The following FGFR4 variants were observed in gnomAD, a reference collection of about 807,000 sequenced individuals.
FGFR4 encodes hydroxyaryl-protein kinase.
FGFR4 carries 63 observed loss-of-function variants against 89.9 expected under a neutral mutation model. That is an observed-to-expected ratio of 0.70 (90% CI 0.57 to 0.86). The LOEUF (loss-of-function observed/expected upper bound fraction) is 0.86, where lower values mean the gene tolerates loss of function less well. Ranked by LOEUF, FGFR4 falls within the 40% of genes least tolerant of loss-of-function variation. FGFR4 has a pLI of 0.00. For missense variants in FGFR4, 928 were observed against 1,106.7 expected, an observed-to-expected ratio of 0.84 and a Z score of 2.29; for synonymous variants, 486 against 479.4, an observed-to-expected ratio of 1.01 and a Z score of -0.18.
intron 5 of FGFR4, among the ~76,000 whole-genome samples, chr5:177,091,400 T>C (rs1251601941): frequency 1.3e-5 from 2 of 152,188 alleles, no homozygotes; most frequent in African/African-American, 4.8e-5. Flanking sequence ...CAGGGTCGGC[T>C]CCATGCTGTC....
intron 6 of FGFR4, among the ~76,000 whole-genome samples, chr5:177,092,028 C>G (rs1208568419): frequency 6.6e-6 from 1 of 152,162 alleles, no homozygotes; most frequent in Non-Finnish European, 1.5e-5. Flanking sequence ...GGGCGCAGCC[C>G]GAGCGGAGGG....
rs758509416 is a variant in FGFR4 at position 177,093,157 on chromosome 5, C to T, written c.1077C>T (p.Thr359=). ...TVLPEEDPTW[T]AAAPEARYTD... is the part of the protein sequence containing the mutation. ...GGGCAGAGGAGGACCCCACATGGACCGCAGCAGCGCCCGAGGCCAGGTATA... is the reference window on the plus strand; with the variant it reads ...GGGCAGAGGAGGACCCCACATGGACTGCAGCAGCGCCCGAGGCCAGGTATA... Residue 359 remains threonine (T), a synonymous_variant, in exon 9 of 18, where the codon ACC becomes ACT. Transcript: ENST00000292408. The surrounding 1 kb of genome is among the most constrained non-coding windows in gnomAD (Gnocchi z 5.8). The T allele has an allele frequency of 6.8e-6, 11 of 1,613,916 alleles. No homozygotes were observed. The highest frequency in any genetic ancestry group is 1.6e-4 in the Middle Eastern group (1 of 6,082).
intron 2 of FGFR4, 47 bp downstream of exon 2, chr5:177,089,740 G>T: frequency 6.3e-7 from 1 of 1,597,746 alleles, no homozygotes; most frequent in Non-Finnish European, 8.5e-7. Flanking sequence ...GGAAGAGTGG[G>T]CACCAGGAGG....
Position 177,093,226 on chromosome 5 carries a change from G to A in FGFR4, c.1146G>A (p.Val382=), listed in dbSNP as rs756541921. 2.1e-5 allele frequency: 34 copies of A among 1,612,528 alleles called. No homozygotes were observed. Among genetic ancestry groups the A allele is most frequent in the Middle Eastern group, 3.3e-4 (2 of 6,076 alleles). The change falls in exon 9 of 18, where the codon GTG becomes GTA. Residue 382 remains valine (V), a synonymous_variant. Coordinates refer to ENST00000292408, the MANE Select transcript of FGFR4 (RefSeq NM_213647.3). This position sits in a 1 kb window ranked among gnomAD's most constrained non-coding sequence, Gnocchi z 5.8. Reference sequence around the variant, plus strand: ...CGTCGGGCTCCCTGGCCTTGGCTGTGCTCCTGCTGCTGGCCGGGCTGTATC... The same window carrying A: ...CGTCGGGCTCCCTGGCCTTGGCTGTACTCCTGCTGCTGGCCGGGCTGTATC... ...LYASGSLALA[V]LLLLAGLYRG... is the part of the protein sequence containing the mutation.
chr5:177,089,846 C>T lies in FGFR4; in HGVS notation c.91+153C>T, dbSNP rs1489476687. Reference sequence around the variant, plus strand: ...CTCAACCACTGAGACTCAGTCAGTGCCTGGCTTCCAGCAAGCATTCATCTA... The same window carrying T: ...CTCAACCACTGAGACTCAGTCAGTGTCTGGCTTCCAGCAAGCATTCATCTA... On this transcript the variant is annotated intron_variant, in intron 2 of 17. Coordinates refer to ENST00000292408, the MANE Select transcript of FGFR4 (RefSeq NM_213647.3). 4.2e-6 allele frequency: 4 copies of T among 959,952 alleles called. No homozygotes were observed. In the South Asian group the frequency reaches 4.2e-5, roughly 10 times the overall value. The allele number at this position is 959,952 out of a possible 1,614,324, so 59.5% of individuals were successfully genotyped here. A position where few individuals can be genotyped will look rare whatever the true frequency, so the allele number is the denominator to read the frequency against.
At position 177,096,061 on chromosome 5, in the gene FGFR4, T is replaced by C; in HGVS notation, c.1826T>C (p.Ile609Thr). 1.9e-6 allele frequency: 3 copies of C among 1,613,620 alleles called. No individual in the cohort carries two copies. Among genetic ancestry groups the C allele is most frequent in the Non-Finnish European group, 1.7e-6 (2 of 1,179,834 alleles). ...GMQYLESRKCIHRDLAARNVL... is the reference protein window; with the variant it reads ...GMQYLESRKCTHRDLAARNVL... ...CCAAGCCCCCGCTCCCTGCAGTGTATCCACCGGGACCTGGCTGCCCGCAAT... is the reference window on the plus strand; with the variant it reads ...CCAAGCCCCCGCTCCCTGCAGTGTACCCACCGGGACCTGGCTGCCCGCAAT... Residue 609 changes from isoleucine to threonine, a missense_variant, in exon 14 of 18, where the codon ATC becomes ACC. By Grantham distance (89) the Ile-to-Thr change is moderately conservative. This residue lies in a region of FGFR4 where 11 missense variants were observed against 37.2 expected (regional missense o/e 0.30). Transcript: ENST00000292408.
intron 2 of FGFR4, chr5:177,090,135 CGT>C (rs59390048): frequency 3.4e-3 from 2,151 of 636,360 alleles, no homozygotes; most frequent in Middle Eastern, 5.4e-3. Flanking sequence ...TGTGTGTATG[CGT>C]GTGTGTGTGT....
rs1784199605 is a variant in FGFR4, at chr5:177,087,664, C to A, written c.-54+587C>A. 9 of 984,418 alleles carry A rather than the reference C, an allele frequency of 9.1e-6. No homozygotes were observed. Among genetic ancestry groups the A allele is most frequent in the Non-Finnish European group, 1.1e-5 (9 of 829,032 alleles). The allele number at this position is 984,418 out of a possible 1,614,324, so 61.0% of individuals were successfully genotyped here. On this transcript the variant is annotated intron_variant, in intron 1 of 17. Coordinates refer to ENST00000292408, the MANE Select transcript of FGFR4 (RefSeq NM_213647.3). The surrounding 1 kb of genome is among the most constrained non-coding windows in gnomAD (Gnocchi z 6.1). ...GGAATAAACTCCCCGGGCCTCCCCA[C>A]CCACTCCCAGCCCAAGCTGTGTACC...
intron 5 of FGFR4, among the ~76,000 whole-genome samples, 192 bp from the exon 6 acceptor site, chr5:177,091,493 C>T (rs544481984): frequency 1.4e-4 from 21 of 152,348 alleles, no homozygotes; most frequent in African/African-American, 5.1e-4. Flanking sequence ...ATTCCAAAGG[C>T]TCAAACCCAA....
Position 177,098,022 on chromosome 5 carries a change from G to T in FGFR4, c.*346G>T. The T allele has an allele frequency of 3.5e-6, 1 of 283,584 alleles. No individual in the cohort carries two copies. Among genetic ancestry groups the T allele is most frequent in the Non-Finnish European group, 6.6e-6 (1 of 152,032 alleles). The allele number at this position is 283,584 out of a possible 1,614,324, so 17.6% of individuals were successfully genotyped here. A position where few individuals can be genotyped will look rare whatever the true frequency, so the allele number is the denominator to read the frequency against. ...CCCCACACCTCCCCCTGCTGCTGCT[G>T]CCCCAGCGTCTTGACGGGAGCATTG... On this transcript the variant is annotated 3_prime_UTR_variant, in exon 18 of 18. Coordinates refer to ENST00000292408, the MANE Select transcript of FGFR4 (RefSeq NM_213647.3). This position sits in a 1 kb window ranked among gnomAD's most constrained non-coding sequence, Gnocchi z 4.5.
chr5:177,097,074 T>A lies in FGFR4; in HGVS notation c.2154-218T>A. On this transcript the variant is annotated intron_variant, in intron 16 of 17. Coordinates refer to ENST00000292408, the MANE Select transcript of FGFR4 (RefSeq NM_213647.3). ...CTCCTCTTCCTCCTCCTTCTCTTCC[T>A]CCTCCTTCTCTTCCTCCTCCTCCTC... 2 of 307,604 alleles carry A rather than the reference T, an allele frequency of 6.5e-6. 1 individual carries two copies. 19.1% of individuals were successfully genotyped at this position (307,604 alleles called of 1,614,324 possible).
rs140327487 is a variant in FGFR4 at position 177,089,022 on chromosome 5, C to T, written c.-53-528C>T. 6.6e-5 allele frequency among the ~76,000 whole-genome samples: 10 copies of T among 152,260 alleles called. No individual in the cohort carries two copies. In the East Asian group the frequency reaches 1.5e-3, roughly 24 times the overall value. On this transcript the variant is annotated intron_variant, in intron 1 of 17. Transcript: ENST00000292408. The stretch of plus-strand genomic sequence containing the variant: ...CATAACAAGCAGAGGTATCCAGGGT[C>T]GCGGTCCTGCTTGCCACGGAAGGGG...
At chr5:177,092,848 G>A in intron 8 of FGFR4, 64 bp downstream of exon 8, 1 of 1,611,636 alleles carries the variant, frequency 6.2e-7, no homozygotes, top group Non-Finnish European at 8.5e-7. Context: ...TGGGGGCTGT[G>A]GCCTGTTGGG....
rs758106660 is a variant in FGFR4 at position 177,095,578 on chromosome 5, G to A, written c.1676G>A (p.Arg559Gln). ...IVECAAKGNL[R>Q]EFLRARRPPG... ...GAGTGCGCCGCCAAGGGAAACCTGC[G>A]GGAGTTCCTGCGGGCCCGGCGCCCC... Residue 559 changes from arginine to glutamine, a missense_variant, in exon 13 of 18, where the codon CGG becomes CAG. Arg to Gln is a conservative substitution (Grantham distance 43). Coordinates refer to ENST00000292408, the MANE Select transcript of FGFR4 (RefSeq NM_213647.3). The surrounding 1 kb of genome is among the most constrained non-coding windows in gnomAD (Gnocchi z 5.7). The A allele has an allele frequency of 6.2e-6, 10 of 1,609,322 alleles. No homozygotes were observed. Among genetic ancestry groups the A allele is most frequent in the South Asian group, 1.1e-5 (1 of 90,532 alleles).
chr5:177,092,361 G>C lies in FGFR4; in HGVS notation c.768G>C (p.Pro256=), dbSNP rs199699604. ...PHRPILQAGL[P]ANTTAVVGSD... ...GGCCCATCCTGCAGGCCGGGCTCCC[G>C]GCCAACACCACAGCCGTGGTGGGCA... The change falls in exon 7 of 18, where the codon CCG becomes CCC. Residue 256 remains proline (P), a synonymous_variant. Transcript: ENST00000292408. 8 of 1,600,296 alleles carry C rather than the reference G, an allele frequency of 5.0e-6. No homozygotes were observed. Among genetic ancestry groups the C allele is most frequent in the Non-Finnish European group, 6.8e-6 (8 of 1,170,332 alleles).
chr5:177,091,465 G>A (rs45569039), intron 5 of FGFR4, among the ~76,000 whole-genome samples: 1 of 152,358 alleles, frequency 6.6e-6, no homozygotes, highest in Non-Finnish European at 1.5e-5. Context: ...AGCACAGCTA[G>A]GGAGAGGGAG....
chr5:177,096,932 TTCC>T (rs1209095983), intron 16 of FGFR4, among the ~76,000 whole-genome samples, 191 bp downstream of exon 16: 6 of 18,894 alleles, frequency 3.2e-4, no homozygotes, highest in South Asian at 2.5e-3. Flanking sequence ...CCTCCTCCTC[TTCC>T]TCCTCCTCCT....
chr5:177,092,482 G>T lies in FGFR4; in HGVS notation c.889G>T (p.Asp297Tyr). 2 of 1,592,628 alleles carry T rather than the reference G, an allele frequency of 1.3e-6. No individual in the cohort carries two copies. Among genetic ancestry groups the T allele is most frequent in the Non-Finnish European group, 8.6e-7 (1 of 1,169,064 alleles). The change falls in exon 7 of 18, where the codon GAC becomes TAC. Residue 297 changes from aspartate to tyrosine, a missense_variant. By Grantham distance (160) the Asp-to-Tyr change is radical. This residue lies in a region of FGFR4 where 741 missense variants were observed against 836.9 expected (regional missense o/e 0.89). Transcript: ENST00000292408. ...IVINGSSFGA[D>Y]GFPYVQVLKT... Reference sequence around the variant, plus strand: ...CATCAACGGCAGCAGCTTCGGAGCCGACGGTTTCCCCTATGTGCAAGTCCT... The same window carrying T: ...CATCAACGGCAGCAGCTTCGGAGCCTACGGTTTCCCCTATGTGCAAGTCCT...
intron 2 of FGFR4, 55 bp from the exon 3 acceptor site, chr5:177,090,335 G>T: frequency 6.3e-7 from 1 of 1,598,770 alleles, no homozygotes. Context: ...TTGTACACAG[G>T]AGGCTGCCTC....
Sources: allele counts gnomAD v4.1 joint callset (sites outside exome capture counted in the v4.1 genomes callset), GRCh38; gene constraint gnomAD v4.1.1; regional missense constraint gnomAD v4.1.1; non-coding constraint Gnocchi (gnomAD v3.1); transcripts MANE v1.5; gene names NCBI Gene and HGNC (gene_info 2026-07-23, HGNC 2026-07-21).